The following CNOT2 variants were observed in gnomAD, a reference collection of about 807,000 sequenced individuals.
CNOT2 encodes the protein CC chemokine receptor 4-negative regulator of transcription 2.
In CNOT2, 7 loss-of-function variants were observed where a neutral mutation model predicts 72.1. That is an observed-to-expected ratio of 0.10 (90% CI 0.06 to 0.18). The LOEUF is 0.18. Ranked by LOEUF, CNOT2 falls within the 10% of genes least tolerant of loss-of-function variation. CNOT2 has a pLI of 1.00. For missense variants in CNOT2, 345 were observed against 660.3 expected, an observed-to-expected ratio of 0.52 and a Z score of 5.23; for synonymous variants, 196 against 225.6, an observed-to-expected ratio of 0.87 and a Z score of 1.17.
Position 70,330,407 on chromosome 12 carries a change from C to T in CNOT2, c.507C>T (p.Ser169=). 1 of 1,612,574 alleles carries T rather than the reference C, an allele frequency of 6.2e-7. No homozygotes were observed. The highest frequency in any genetic ancestry group is 8.5e-7 in the Non-Finnish European group (1 of 1,179,048). Residue 169 remains serine (S), a synonymous_variant, in exon 6 of 16, where the codon AGC becomes AGT. Transcript: ENST00000229195. ...SSSGLGSPNR[S]SPSIICMPKQ... is the part of the protein sequence containing the mutation. ...CAGGGTTAGGTAGCCCCAACAGAAG[C>T]TCGCCAAGCATAATATGTATGCCAA...
In CNOT2 at chr12:70,338,671, G is replaced by C. The variant is rs978677792; in HGVS notation, c.1027G>C (p.Val343Leu). The change falls in exon 11 of 16, where the codon GTT becomes CTT. Residue 343 changes from valine to leucine, a missense_variant. By Grantham distance (32) the Val-to-Leu change is conservative (BLOSUM62 1). Around this residue, in one of 4 missense-constraint regions of CNOT2, gnomAD observed 128 missense variants for 233.0 expected, o/e 0.55. Coordinates refer to ENST00000229195, the MANE Select transcript of CNOT2 (RefSeq NM_014515.7). The stretch of plus-strand genomic sequence containing the variant: ...ACTGTGTTTTTCCTACCCAGGTCGG[G>C]TTACTAACATTCCTCAAGGGATGGT... ...KGIQVLPDGR[V>L]TNIPQGMVTD... 6.2e-7 allele frequency: 1 copy of C among 1,612,366 alleles called. No individual in the cohort carries two copies. The highest frequency in any genetic ancestry group is 8.5e-7 in the Non-Finnish European group (1 of 1,179,336).
At position 70,259,446 on chromosome 12, in the gene CNOT2, C is replaced by G. The variant is rs1281752023; in HGVS notation, c.-96+15966C>G. Among the ~76,000 whole-genome samples the G allele has an allele frequency of 7.2e-5, 11 of 152,178 alleles. 1 individual carries two copies. In the South Asian group the frequency reaches 2.3e-3, roughly 32 times the overall value. ...AAATTAGTTTTCACAAATTTATACACCCGTTTAACCATCACCATCATTCAG... is the reference window on the plus strand; with the variant it reads ...AAATTAGTTTTCACAAATTTATACAGCCGTTTAACCATCACCATCATTCAG... On this transcript the variant is annotated intron_variant, in intron 1 of 15. Transcript: ENST00000229195.
intron 2 of CNOT2, among the ~76,000 whole-genome samples, chr12:70,299,301 C>T (rs1012327192): frequency 6.6e-6 from 1 of 151,928 alleles, no homozygotes; most frequent in African/African-American, 2.4e-5. Flanking sequence ...TATACATGGG[C>T]CATGTTGGTG....
chr12:70,304,608 C>A (rs1416679625), intron 2 of CNOT2, among the ~76,000 whole-genome samples: 3 of 152,194 alleles, frequency 2.0e-5, no homozygotes, highest in Non-Finnish European at 4.4e-5. Flanking sequence ...CAGTCCGCCC[C>A]TACTGGGGGG....
chr12:70,310,711 A>G (rs1346695665), intron 2 of CNOT2, among the ~76,000 whole-genome samples, 184 bp from the exon 3 acceptor site: 6 of 152,072 alleles, frequency 3.9e-5, no homozygotes, highest in Non-Finnish European at 8.8e-5. Flanking sequence ...TCTGGAAATA[A>G]ACATCTAACA....
intron 1 of CNOT2, among the ~76,000 whole-genome samples, chr12:70,255,148 T>C (rs1435577847): frequency 7.0e-6 from 1 of 143,496 alleles, no homozygotes; most frequent in African/African-American, 2.8e-5. Context: ...TGATGCTTTC[T>C]CTATGTATCT....
At position 70,338,546 on chromosome 12, in the gene CNOT2, T is replaced by G; in HGVS notation, c.1004T>G (p.Ile335Ser). ...AATAATAACCAGCAGAAAAAAGGGA[T>G]CCAGGTGTTACCTGATGGTGGGACT... ...TQNNNQQKKG[I>S]QVLPDGRVTN... is the part of the protein sequence containing the mutation. Residue 335 changes from isoleucine (I) to serine (S), a missense_variant, in exon 10 of 16, where the codon ATC (isoleucine) becomes AGC (serine). This residue lies in a region of CNOT2 where 128 missense variants were observed against 233.0 expected (regional missense o/e 0.55). Coordinates refer to ENST00000229195, the MANE Select transcript of CNOT2 (RefSeq NM_014515.7). 6.2e-7 allele frequency: 1 copy of G among 1,612,384 alleles called. No individual in the cohort carries two copies. Among genetic ancestry groups the G allele is most frequent in the Non-Finnish European group, 8.5e-7 (1 of 1,179,330 alleles).
intron 7 of CNOT2, among the ~76,000 whole-genome samples, chr12:70,333,201 A>G (rs1167548412): frequency 2.6e-5 from 4 of 151,918 alleles, no homozygotes; most frequent in Non-Finnish European, 5.9e-5. Context: ...AGCTTAGACT[A>G]GGTTGGGTGG....
intron 2 of CNOT2, chr12:70,301,730 C>T (rs1874021342): frequency 6.6e-6 from 1 of 152,278 alleles, no homozygotes; most frequent in Non-Finnish European, 1.5e-5. Flanking sequence ...TGATGCTGGC[C>T]TCATAAAATG....
At chr12:70,263,198 T>A (rs963620666) in intron 1 of CNOT2, among the ~76,000 whole-genome samples, 11 of 151,946 alleles carry the variant, frequency 7.2e-5, no homozygotes, top group African/African-American at 2.7e-4. Context: ...ATCGTTTTGT[T>A]TACCCTACTT....
chr12:70,281,096 T>C (rs1454425105), intron 2 of CNOT2, among the ~76,000 whole-genome samples: 1 of 151,386 alleles, frequency 6.6e-6, no homozygotes. Flanking sequence ...TTTTTTTTTT[T>C]TTTCTTTTTT....
chr12:70,338,210 G>A (rs1398629985), intron 9 of CNOT2: 5 of 357,492 alleles, frequency 1.4e-5, no homozygotes, highest in Non-Finnish European at 2.5e-5. Context: ...AGATAAATAA[G>A]ATATTTTCCC....
rs1958157377 is a variant in CNOT2, at chr12:70,251,881, C to T, written c.-96+8401C>T. 2.0e-5 allele frequency among the ~76,000 whole-genome samples: 3 copies of T among 152,098 alleles called. No individual in the cohort carries two copies. In the South Asian group the frequency reaches 6.2e-4, roughly 32 times the overall value. ...GCAGGCAAAGTTTGAGTATTATCATCTGATGTAATGTGTTAGGCATGAGAT... is the reference window on the plus strand; with the variant it reads ...GCAGGCAAAGTTTGAGTATTATCATTTGATGTAATGTGTTAGGCATGAGAT... On this transcript the variant is annotated intron_variant, in intron 1 of 15. Coordinates refer to ENST00000229195, the MANE Select transcript of CNOT2 (RefSeq NM_014515.7).
At chr12:70,338,326 A>T in intron 9 of CNOT2, 117 bp from the exon 10 acceptor site, 1 of 833,300 alleles carries the variant, frequency 1.2e-6, no homozygotes, top group Non-Finnish European at 1.8e-6. Context: ...AAAAACAGGT[A>T]ATAATTTAAC....
At chr12:70,262,323 G>T (rs538565010) in intron 1 of CNOT2, among the ~76,000 whole-genome samples, 1 of 152,130 alleles carries the variant, frequency 6.6e-6, no homozygotes, top group Admixed American at 6.5e-5. Flanking sequence ...GCCCAGGCTG[G>T]AGTGCAATGG....
At chr12:70,348,197 C>T (rs1882442149) in intron 15 of CNOT2, among the ~76,000 whole-genome samples, 1 of 152,276 alleles carries the variant, frequency 6.6e-6, no homozygotes, top group African/African-American at 2.4e-5. Flanking sequence ...TTTTTATCAT[C>T]GTTATTATAG....
chr12:70,287,055 T>TG (rs1353885400), intron 2 of CNOT2, among the ~76,000 whole-genome samples: 3 of 152,046 alleles, frequency 2.0e-5, no homozygotes, highest in Non-Finnish European at 2.9e-5. Flanking sequence ...GTAGGCTTTT[T>TG]GGGGGGTTCA....
chr12:70,254,340 T>C (rs181457160), intron 1 of CNOT2, among the ~76,000 whole-genome samples: 93 of 152,192 alleles, frequency 6.1e-4, no homozygotes, highest in African/African-American at 2.1e-3. Flanking sequence ...GATCTGTCAG[T>C]CTGATAATCA....
chr12:70,258,186 G>A (rs1342321620), intron 1 of CNOT2, among the ~76,000 whole-genome samples: 1 of 152,098 alleles, frequency 6.6e-6, no homozygotes, highest in Non-Finnish European at 1.5e-5. Flanking sequence ...CCCCTCCCAA[G>A]CATTATTCCA....
Sources: allele counts gnomAD v4.1 joint callset (sites outside exome capture counted in the v4.1 genomes callset), GRCh38; gene constraint gnomAD v4.1.1; regional missense constraint gnomAD v4.1.1; transcripts MANE v1.5; gene names NCBI Gene and HGNC (gene_info 2026-07-23, HGNC 2026-07-21).